The following FRMD3 variants were observed in gnomAD, a reference collection of about 807,000 sequenced individuals.
FRMD3 encodes the protein FERM domain-containing protein 3.
In FRMD3, 33 loss-of-function variants were observed where a neutral mutation model predicts 70.2. That is an observed-to-expected ratio of 0.47 (90% CI 0.36 to 0.63). The LOEUF is 0.63. Ranked by LOEUF, FRMD3 falls within the 20% of genes least tolerant of loss-of-function variation. The pLI, the probability that FRMD3 is intolerant of heterozygous loss-of-function variation, is 0.00. For missense variants in FRMD3, 632 were observed against 711.4 expected (o/e 0.89, Z 1.27); for synonymous variants, 279 against 255.9 (o/e 1.09, Z -0.86).
chr9:83,322,635 T>A (rs1293247598), intron 6 of FRMD3, among the ~76,000 whole-genome samples: 3 of 152,198 alleles, frequency 2.0e-5, no homozygotes, highest in Non-Finnish European at 4.4e-5. Flanking sequence ...ATGTGCAATC[T>A]TTAGGCAGTT....
chr9:83,343,616 A>G (rs1267813025), intron 4 of FRMD3, among the ~76,000 whole-genome samples: 2 of 152,182 alleles, frequency 1.3e-5, no homozygotes, highest in African/African-American at 2.4e-5. Context: ...GAGGACAGCC[A>G]TGGCCACCGT....
intron 10 of FRMD3, among the ~76,000 whole-genome samples, chr9:83,299,769 C>T (rs578186881): frequency 3.9e-4 from 60 of 152,334 alleles, no homozygotes; most frequent in Non-Finnish European, 6.0e-4. Flanking sequence ...TTAAAAGAAC[C>T]CACAGTGGTA....
intron 1 of FRMD3, among the ~76,000 whole-genome samples, chr9:83,420,678 T>C (rs72745054): frequency 0.025 from 3,768 of 152,284 alleles, 74 homozygotes; most frequent in Non-Finnish European, 0.039. Context: ...TGGTGGAAGA[T>C]GTTTGAGTCA....
At chr9:83,310,927 T>G (rs1835327770) in intron 8 of FRMD3, among the ~76,000 whole-genome samples, 1 of 152,190 alleles carries the variant, frequency 6.6e-6, no homozygotes, top group Non-Finnish European at 1.5e-5. Flanking sequence ...TCACAGTATC[T>G]GACTTTCTCC....
At chr9:83,477,777 C>T (rs559962440) in intron 1 of FRMD3, among the ~76,000 whole-genome samples, 2 of 152,210 alleles carry the variant, frequency 1.3e-5, no homozygotes, top group African/African-American at 2.4e-5. Context: ...CTCCAGTCTC[C>T]GTTGCCTGGG....
chr9:83,453,711 A>ATT (rs59376142), intron 1 of FRMD3, among the ~76,000 whole-genome samples: 200 of 115,076 alleles, frequency 1.7e-3, no homozygotes, highest in Non-Finnish European at 2.6e-3. Context: ...GTTTGTTTTA[A>ATT]TTTTTTTTTT....
At chr9:83,383,352 A>T (rs1825415551) in intron 2 of FRMD3, among the ~76,000 whole-genome samples, 1 of 152,250 alleles carries the variant, frequency 6.6e-6, no homozygotes, top group South Asian at 2.1e-4. Flanking sequence ...ACAGCAATAG[A>T]TAATGAGAAC....
chr9:83,417,324 C>T (rs1826486622), intron 1 of FRMD3, among the ~76,000 whole-genome samples: 1 of 152,134 alleles, frequency 6.6e-6, no homozygotes, highest in African/African-American at 2.4e-5. Flanking sequence ...GTAAACCATG[C>T]CTGCTCTCAG....
At chr9:83,473,541 T>C (rs1392564896) in intron 1 of FRMD3, among the ~76,000 whole-genome samples, 1 of 152,174 alleles carries the variant, frequency 6.6e-6, no homozygotes, top group Non-Finnish European at 1.5e-5. Flanking sequence ...ATCATACACT[T>C]TCTATCTTAG....
chr9:83,557,630 ACT>A, the FRMD3 span, among the ~76,000 whole-genome samples: 2 of 152,274 alleles, frequency 1.3e-5, no homozygotes, highest in Non-Finnish European at 2.9e-5. Context: ...GATATGAGTA[ACT>A]CTATCAATTT....
intron 1 of FRMD3, among the ~76,000 whole-genome samples, chr9:83,479,256 C>G (rs1828471100): frequency 6.7e-6 from 1 of 149,474 alleles, no homozygotes; most frequent in Non-Finnish European, 1.5e-5. Context: ...TTAAGACCAG[C>G]CTGGGCAACA....
At chr9:83,568,107 G>A in the FRMD3 span, among the ~76,000 whole-genome samples, 1 of 152,206 alleles carries the variant, frequency 6.6e-6, no homozygotes. Context: ...CATGGTAGGA[G>A]ATGAAAGGCA....
chr9:83,363,789 C>A (rs373433522), intron 3 of FRMD3, among the ~76,000 whole-genome samples: 1 of 152,036 alleles, frequency 6.6e-6, no homozygotes, highest in African/African-American at 2.4e-5. Flanking sequence ...CTCCTGACCT[C>A]GTGATCCGCC....
At chr9:83,576,017 G>C in the FRMD3 span, among the ~76,000 whole-genome samples, 12 of 151,838 alleles carry the variant, frequency 7.9e-5, no homozygotes, top group Non-Finnish European at 1.6e-4. Context: ...CCAGGAGTTT[G>C]GGCAATATAG....
Position 83,328,177 on chromosome 9 carries a change from T to C in FRMD3, c.596+7339A>G, listed in dbSNP as rs1836096596. On this transcript the variant is annotated intron_variant, in intron 6 of 13. Transcript: ENST00000304195. ...AATTTCTCAGAACTCTGTTTCCTTA[T>C]CTGTAAAAAAAAAAAAAAATGGTGG... 3.0e-5 allele frequency among the ~76,000 whole-genome samples: 4 copies of C among 131,290 alleles called. No individual in the cohort carries two copies. The South Asian group carries it at 6.9e-4, about 23-fold the overall frequency. The allele number at this position is 131,290 out of a possible 152,430, so 86.1% of individuals were successfully genotyped here.
chr9:83,550,751 T>C, the FRMD3 span, among the ~76,000 whole-genome samples: 4 of 148,034 alleles, frequency 2.7e-5, no homozygotes, highest in African/African-American at 7.5e-5. Flanking sequence ...GTGAATGTAA[T>C]TGTCTTTCTG....
At chr9:83,401,714 T>C (rs1379859322) in intron 1 of FRMD3, among the ~76,000 whole-genome samples, 2 of 152,218 alleles carry the variant, frequency 1.3e-5, no homozygotes, top group South Asian at 2.1e-4. Context: ...AGGAAAGGAA[T>C]GTGGTGAGTC....
chr9:83,447,840 G>A lies in FRMD3; in HGVS notation c.148-58132C>T, dbSNP rs115645359. Among the ~76,000 whole-genome samples, 1,214 of 152,272 alleles carry A rather than the reference G, an allele frequency of 8.0e-3. 22 individuals are homozygous for A. Among genetic ancestry groups the A allele is most frequent in the African/African-American group, 0.028 (1,156 of 41,560 alleles). ...CCGAGTCACCTCAAATAAAATATTT[G>A]TCCTCATTGTGCCCAAGTTTCTTAA... On this transcript the variant is annotated intron_variant, in intron 1 of 13. Coordinates refer to ENST00000304195, the MANE Select transcript of FRMD3 (RefSeq NM_174938.6).
chr9:83,447,757 G>A (rs1003303856), intron 1 of FRMD3, among the ~76,000 whole-genome samples: 1 of 152,276 alleles, frequency 6.6e-6, no homozygotes, highest in Admixed American at 6.5e-5. Flanking sequence ...CAGGGTAGGA[G>A]CTCCTGAACT....
Sources: gnomAD v4.1 joint callset for allele counts (sites outside exome capture counted in the v4.1 genomes callset) on GRCh38, gnomAD v4.1.1 for gene constraint, MANE v1.5 for transcripts, NCBI Gene and HGNC (gene_info 2026-07-23, HGNC 2026-07-21) for gene names.